The following ACOT11 variants were observed in gnomAD, a reference collection of about 807,000 sequenced individuals.
The protein encoded by ACOT11 is acyl-coenzyme A thioesterase 11.
Under a neutral mutation model 77.5 loss-of-function variants are expected in ACOT11, and 69 were observed. That is an observed-to-expected ratio of 0.89 (90% confidence interval 0.73 to 1.09). The LOEUF (loss-of-function observed/expected upper bound fraction) is 1.09. ACOT11 is among the 50% of genes least tolerant of loss of function. The pLI is 0.00. For missense variants in ACOT11, 766 were observed against 813.7 expected, an observed-to-expected ratio of 0.94 and a Z score of 0.71; for synonymous variants, 279 against 313.0, an observed-to-expected ratio of 0.89 and a Z score of 1.15.
rs539711761 is a variant in ACOT11, at chr1:54,593,653, A to G, written c.373-288A>G. 9.9e-5 allele frequency among the ~76,000 whole-genome samples: 15 copies of G among 152,176 alleles called. No individual in the cohort carries two copies. In the East Asian group the frequency reaches 2.7e-3, roughly 28 times the overall value. ...GAAGCCCTGTTGTAGACATAGTCTC[A>G]TTTTAATCCTCTCAACAATCCCACA... On this transcript the variant is annotated intron_variant, in intron 4 of 15. Transcript: ENST00000343744.
intron 1 of ACOT11, chr1:54,548,547 T>G (rs1368172172): frequency 3.0e-6 from 2 of 664,400 alleles, no homozygotes; most frequent in African/African-American, 3.7e-5. Context: ...CCAGGGGCTG[T>G]CAGATCCCCC....
Position 54,602,715 on chromosome 1 carries a change from G to T in ACOT11, c.1076G>T (p.Arg359Leu), listed in dbSNP as rs765942343. The change falls in exon 10 of 16, where the codon CGC becomes CTC. Residue 359 changes from arginine (R) to leucine (L), a missense_variant. Transcript: ENST00000343744. ...GAGGCCAGTGCCAGAAAGAAGATCC[G>T]CCTGGACAGGTGAGTAGGGGCTGAG... is the stretch of plus-strand genomic sequence containing the variant. The part of the protein sequence containing the change: ...YREASARKKI[R>L]LDRKYIVSCK... 1.1e-5 allele frequency: 17 copies of T among 1,551,632 alleles called. No homozygotes were observed. The highest frequency in any genetic ancestry group is 1.7e-4 in the Middle Eastern group (1 of 5,900).
rs1051186551 is a variant in ACOT11, at chr1:54,599,374, T to A, written c.843T>A (p.Arg281=). ...HFRGPSQVGD[R]LVLKAIVNNA... is the part of the protein sequence containing the mutation. ...GAGGCCCGTCCCAGGTCGGCGACCG[T>A]CTGGTGCTCAAAGCCATCGTGAACA... Residue 281 remains arginine (R), a synonymous_variant, in exon 8 of 16, where the codon CGT becomes CGA. Transcript: ENST00000343744. 1.9e-6 allele frequency: 3 copies of A among 1,607,588 alleles called. No individual in the cohort carries two copies. Among genetic ancestry groups the A allele is most frequent in the Non-Finnish European group, 2.5e-6 (3 of 1,177,176 alleles).
Position 54,594,707 on chromosome 1 carries a change from CTGTGCA to C in ACOT11, c.607+19_607+24del. ...ATTCAGGGCGGTGAGCAGCTGCCAG[CTGTGCA>C]TGGGGAGGGTAGCTGGCGTCCTGCA... is the stretch of plus-strand genomic sequence containing the variant. On this transcript the variant is annotated intron_variant, in intron 6 of 15. Coordinates refer to ENST00000343744, the MANE Select transcript of ACOT11 (RefSeq NM_147161.4). The C allele has an allele frequency of 6.2e-7, 1 of 1,603,284 alleles. No individual in the cohort carries two copies. Among genetic ancestry groups the C allele is most frequent in the African/African-American group, 1.3e-5 (1 of 74,848 alleles).
At chr1:54,590,683 C>G (rs191293635) in intron 3 of ACOT11, among the ~76,000 whole-genome samples, 1 of 152,302 alleles carries the variant, frequency 6.6e-6, no homozygotes, top group East Asian at 1.9e-4. Flanking sequence ...ATGGTCACCA[C>G]CACTGAGACC....
In ACOT11 at chr1:54,607,229, T is replaced by G. The variant is rs747203657; in HGVS notation, c.1466T>G (p.Val489Gly). ...LGGHTKPQDF[V>G]ILASRRKPCD... ...GGTCACACAAAGCCCCAGGACTTCG[T>G]GATCCTGGCCTCGAGGCGGAAGCCT... Residue 489 changes from valine to glycine, a missense_variant, in exon 14 of 16, where the codon GTG becomes GGG. Coordinates refer to ENST00000343744, the MANE Select transcript of ACOT11 (RefSeq NM_147161.4). The surrounding 1 kb of genome is among the most constrained non-coding windows in gnomAD (Gnocchi z 4.5). 3.7e-6 allele frequency: 6 copies of G among 1,614,070 alleles called. No individual in the cohort carries two copies. In the African/African-American group the frequency reaches 5.3e-5, roughly 14 times the overall value.
chr1:54,622,977 C>T (rs1293802258), intron 15 of ACOT11, among the ~76,000 whole-genome samples: 1 of 151,866 alleles, frequency 6.6e-6, no homozygotes, highest in African/African-American at 2.4e-5. Context: ...GAGTTCGAGA[C>T]CAGCCTGGCC....
intron 15 of ACOT11, among the ~76,000 whole-genome samples, chr1:54,624,615 G>C (rs1644260807): frequency 6.6e-6 from 1 of 152,182 alleles, no homozygotes; most frequent in African/African-American, 2.4e-5. Flanking sequence ...CATTAGTAGA[G>C]GAAAGGGGAC....
In ACOT11 at chr1:54,584,656, G is replaced by C. The variant is rs1371624264; in HGVS notation, c.35G>C (p.Gly12Ala). Residue 12 changes from glycine to alanine, a missense_variant and splice_region_variant, in exon 2 of 16, where the codon GGC (glycine) becomes GCC (alanine). Transcript: ENST00000343744. The surrounding 1 kb of genome is among the most constrained non-coding windows in gnomAD (Gnocchi z 6.3). The part of the protein sequence containing the change: ...IQNVGNHLRR[G>A]LASVFSNRTS... Reference sequence around the variant, plus strand: ...CACCTGTCCCCACCTGTACCCCAGGGCTTGGCCTCTGTGTTCTCCAACCGC... The same window carrying C: ...CACCTGTCCCCACCTGTACCCCAGGCCTTGGCCTCTGTGTTCTCCAACCGC... 2.5e-6 allele frequency: 4 copies of C among 1,613,808 alleles called. No individual in the cohort carries two copies. Among genetic ancestry groups the C allele is most frequent in the Non-Finnish European group, 3.4e-6 (4 of 1,179,938 alleles).
chr1:54,609,176 G>A lies in ACOT11; in HGVS notation c.*64G>A. ...TCCTGTCCCCAAGGACTCACATACA[G>A]TGCCTGGAGAAAGCCAAAGACCTTT... On this transcript the variant is annotated 3_prime_UTR_variant, in exon 16 of 16. Transcript: ENST00000343744. The A allele has an allele frequency of 6.2e-7, 1 of 1,606,598 alleles. No individual in the cohort carries two copies. The highest frequency in any genetic ancestry group is 1.3e-5 in the African/African-American group (1 of 74,792).
downstream of ACOT11, chr1:54,614,807 G>T: frequency 6.2e-7 from 1 of 1,614,192 alleles, no homozygotes; most frequent in African/African-American, 1.3e-5. Context: ...GCTGCCGCAG[G>T]AGGTCCAGGG....
intron 1 of ACOT11, among the ~76,000 whole-genome samples, chr1:54,554,315 G>A (rs59605065): frequency 0.12 from 8,062 of 68,058 alleles, 417 homozygotes; most frequent in African/African-American, 0.15. Context: ...GTGTGTGTGT[G>A]TGTGTGTGTG....
intron 1 of ACOT11, among the ~76,000 whole-genome samples, chr1:54,564,807 G>C (rs1653679481): frequency 6.6e-6 from 1 of 152,194 alleles, no homozygotes; most frequent in Admixed American, 6.5e-5. Flanking sequence ...GTCGGGGTTG[G>C]GGCGGTGGGG....
At position 54,607,138 on chromosome 1, in the gene ACOT11, G is replaced by A. The variant is rs749900335; in HGVS notation, c.1375G>A (p.Val459Met). 30 of 1,613,992 alleles carry A rather than the reference G, an allele frequency of 1.9e-5. No homozygotes were observed. The East Asian group carries it at 2.5e-4, about 13-fold the overall frequency. The change falls in exon 14 of 16, where the codon GTG becomes ATG. Residue 459 changes from valine to methionine, a missense_variant. Val to Met is a conservative substitution (Grantham distance 21). Coordinates refer to ENST00000343744, the MANE Select transcript of ACOT11 (RefSeq NM_147161.4). This position sits in a 1 kb window ranked among gnomAD's most constrained non-coding sequence, Gnocchi z 4.5. ...GAGATCCCGGCCTCCCCACAGGAGC[G>A]TGGAGCTAGTGCAGCAGGTAGACGA... The part of the protein sequence containing the change: ...RPEWDKHYRS[V>M]ELVQQVDEDD...
chr1:54,638,280 G>T (rs994158481), exon 17 of ACOT11: 6 of 152,222 alleles, frequency 3.9e-5, no homozygotes, highest in African/African-American at 7.2e-5. Context: ...AAAATACCAC[G>T]CTAGGCTCCT....
intron 15 of ACOT11, among the ~76,000 whole-genome samples, chr1:54,608,716 G>C (rs1262948685): frequency 6.6e-6 from 1 of 152,178 alleles, no homozygotes; most frequent in Non-Finnish European, 1.5e-5. Flanking sequence ...TGACAATGTG[G>C]TGTGTGGTGT....
At chr1:54,620,150 G>C in intron 15 of ACOT11, 3 of 865,524 alleles carry the variant, frequency 3.5e-6, no homozygotes, top group Non-Finnish European at 5.2e-6. Context: ...AGACTCACTG[G>C]TGCTACAATA....
At chr1:54,613,328 G>A (rs994033849), downstream of ACOT11, among the ~76,000 whole-genome samples, 6 of 151,938 alleles carry the variant, frequency 3.9e-5, no homozygotes, top group African/African-American at 1.5e-4. Flanking sequence ...GTGGTGAGCT[G>A]AGATCGTGCC....
Position 54,610,301 on chromosome 1 carries a change from G to A in ACOT11, c.*1189G>A, listed in dbSNP as rs1460495566. On this transcript the variant is annotated 3_prime_UTR_variant, in exon 16 of 16. Transcript: ENST00000343744. ...TGCCCCACCTTGCATCCAGGGTATGGTGTAAATAAACCTGTGTTGCCATGG... is the reference window on the plus strand; with the variant it reads ...TGCCCCACCTTGCATCCAGGGTATGATGTAAATAAACCTGTGTTGCCATGG... The A allele has an allele frequency of 3.9e-6, 6 of 1,534,222 alleles. No individual in the cohort carries two copies. The highest frequency in any genetic ancestry group is 5.2e-6 in the Non-Finnish European group (6 of 1,143,548).
Sources: gnomAD v4.1 joint callset for allele counts (sites outside exome capture counted in the v4.1 genomes callset) on GRCh38, gnomAD v4.1.1 for gene constraint, Gnocchi (gnomAD v3.1) non-coding constraint, MANE v1.5 for transcripts, NCBI Gene and HGNC (gene_info 2026-07-23, HGNC 2026-07-21) for gene names.